Variants in AGO2 observed in about 807,000 individuals in gnomAD.
The protein encoded by AGO2 is protein argonaute-2.
Under a neutral mutation model 102.3 loss-of-function variants are expected in AGO2, and 5 were observed. That is an observed-to-expected ratio of 0.05 (90% CI 0.03 to 0.10). The LOEUF (loss-of-function observed/expected upper bound fraction) is 0.10. AGO2 is among the 10% of genes least tolerant of loss of function. The pLI is 1.00. For synonymous variants in AGO2, 449 were observed against 473.1 expected, an observed-to-expected ratio of 0.95 and a Z score of 0.66; for missense variants, 541 against 1,183.7, an observed-to-expected ratio of 0.46 and a Z score of 7.97.
At chr8:140,542,363 T>C (rs1353282785) in intron 14 of AGO2, among the ~76,000 whole-genome samples, 3 of 152,218 alleles carry the variant, frequency 2.0e-5, no homozygotes, top group African/African-American at 7.2e-5. Flanking sequence ...AACAAGTTCT[T>C]TCCCAGTTAA....
At position 140,528,106 on chromosome 8, in the gene AGO2, G is replaced by A. The variant is rs550605267; in HGVS notation, c.*3938C>T. 3 of 152,104 alleles carry A rather than the reference G, an allele frequency of 2.0e-5. No individual in the cohort carries two copies. The highest frequency in any genetic ancestry group is 4.4e-5 in the Non-Finnish European group (3 of 68,028). 9.4% of individuals were successfully genotyped at this position (152,104 alleles called of 1,614,324 possible). ...GTAAAAATAAAATTTAAACCACCCC[G>A]CAGATCAATGTAAAATTACATTGCT... On this transcript the variant is annotated 3_prime_UTR_variant, in exon 19 of 19. Coordinates refer to ENST00000220592, the MANE Select transcript of AGO2 (RefSeq NM_012154.5). The surrounding 1 kb of genome is among the most constrained non-coding windows in gnomAD (Gnocchi z 4.5).
At position 140,596,535 on chromosome 8, in the gene AGO2, A is replaced by T. The variant is rs180946736; in HGVS notation, c.23-11224T>A. On this transcript the variant is annotated intron_variant, in intron 1 of 18. Transcript: ENST00000220592. ...GAGGCGGAGGTTGCAGTGAGCTGAG[A>T]TGGCACCATTGCACTCCAGCCTGGG... Among the ~76,000 whole-genome samples, 30 of 152,370 alleles carry T rather than the reference A, an allele frequency of 2.0e-4. 1 individual carries two copies. The highest frequency in any genetic ancestry group is 6.0e-4 in the African/African-American group (25 of 41,590).
At chr8:140,597,485 C>CCT (rs2073865456) in intron 1 of AGO2, among the ~76,000 whole-genome samples, 1 of 139,452 alleles carries the variant, frequency 7.2e-6, no homozygotes, top group African/African-American at 2.6e-5. Flanking sequence ...CCCCCCCCCC[C>CCT]CCGCCCCAGG....
At chr8:140,579,085 T>C (rs2073510938) in intron 2 of AGO2, among the ~76,000 whole-genome samples, 1 of 152,028 alleles carries the variant, frequency 6.6e-6, no homozygotes, top group African/African-American at 2.4e-5. Context: ...TAGTGGAGTG[T>C]GGTGGTGCGC....
chr8:140,560,052 G>A (rs1371541296), intron 5 of AGO2, among the ~76,000 whole-genome samples: 2 of 152,236 alleles, frequency 1.3e-5, no homozygotes, highest in Non-Finnish European at 2.9e-5. Flanking sequence ...TCCCAAGAGA[G>A]GGACAGGCCA....
At chr8:140,533,286 G>A (rs905883134) in intron 17 of AGO2, among the ~76,000 whole-genome samples, 3 of 151,256 alleles carry the variant, frequency 2.0e-5, no homozygotes, top group Non-Finnish European at 4.4e-5. Context: ...CTACTTGGGA[G>A]GCTGAGGCCA....
Position 140,586,343 on chromosome 8 carries a change from A to G in AGO2, c.23-1032T>C, listed in dbSNP as rs1221535008. On this transcript the variant is annotated intron_variant, in intron 1 of 18. Transcript: ENST00000220592. Reference sequence around the variant, plus strand: ...CCCTATCTCTACTAAAAATACAAAAATTATCTGGATGTGGTGGCACGTGCC... The same window carrying G: ...CCCTATCTCTACTAAAAATACAAAAGTTATCTGGATGTGGTGGCACGTGCC... 2.0e-5 allele frequency among the ~76,000 whole-genome samples: 3 copies of G among 152,152 alleles called. No individual in the cohort carries two copies. The East Asian group carries it at 5.8e-4, about 29-fold the overall frequency.
intron 4 of AGO2, among the ~76,000 whole-genome samples, chr8:140,562,102 A>G (rs1356807109): frequency 1.3e-5 from 2 of 152,248 alleles, no homozygotes; most frequent in Non-Finnish European, 2.9e-5. Context: ...ACATGCATGC[A>G]GCACGAAACT....
At chr8:140,575,096 C>T (rs1232400303) in intron 2 of AGO2, among the ~76,000 whole-genome samples, 1 of 152,072 alleles carries the variant, frequency 6.6e-6, no homozygotes, top group Non-Finnish European at 1.5e-5. Flanking sequence ...TCAGTGACAT[C>T]TTTGAGGGCT....
chr8:140,619,382 C>T (rs552898830), intron 1 of AGO2, among the ~76,000 whole-genome samples: 84 of 152,312 alleles, frequency 5.5e-4, no homozygotes, highest in African/African-American at 1.9e-3. Context: ...TTACACTAGA[C>T]GCAACGACAC....
At chr8:140,547,280 C>T (rs888815990) in intron 13 of AGO2, among the ~76,000 whole-genome samples, 188 bp downstream of exon 13, 2 of 152,230 alleles carry the variant, frequency 1.3e-5, no homozygotes, top group South Asian at 2.1e-4. Context: ...CCTGCAGACG[C>T]CCCTGGTCCC....
intron 17 of AGO2, 110 bp downstream of exon 17, chr8:140,535,358 G>A: frequency 1.7e-6 from 2 of 1,158,916 alleles, no homozygotes; most frequent in East Asian, 2.4e-5. Flanking sequence ...TGCCTGTGTG[G>A]GCCCCTCACA....
chr8:140,569,385 A>G (rs2073342847), intron 3 of AGO2, among the ~76,000 whole-genome samples: 1 of 152,244 alleles, frequency 6.6e-6, no homozygotes, highest in Non-Finnish European at 1.5e-5. Flanking sequence ...TTGATCATTC[A>G]GTGAGATGTG....
intron 8 of AGO2, 102 bp from the exon 9 acceptor site, chr8:140,556,388 G>C: frequency 6.9e-7 from 1 of 1,459,190 alleles, no homozygotes; most frequent in Non-Finnish European, 9.3e-7. Context: ...GCTTGGGACC[G>C]TCTCTGCCTC....
At chr8:140,595,963 ATAAATT>A (rs1564107161) in intron 1 of AGO2, among the ~76,000 whole-genome samples, 37 of 126,386 alleles carry the variant, frequency 2.9e-4, no homozygotes, top group African/African-American at 9.8e-4. Context: ...TATAATATAT[ATAAATT>A]ATATATATTA....
In AGO2 at chr8:140,532,505, T is replaced by C. The variant is rs1223929292; in HGVS notation, c.2382A>G (p.Thr794=). ...CTGGCGCTGGGATGGACACGGAGCGTGTGCAGCGCACGTAGGTGTGACACA... is the reference window on the plus strand; with the variant it reads ...CTGGCGCTGGGATGGACACGGAGCGCGTGCAGCGCACGTAGGTGTGACACA... ...YQLCHTYVRC[T]RSVSIPAPAY... is the part of the protein sequence containing the mutation. The change falls in exon 18 of 19, where the codon ACA becomes ACG. Residue 794 remains threonine, a synonymous_variant. Transcript: ENST00000220592. 3 of 1,614,148 alleles carry C rather than the reference T, an allele frequency of 1.9e-6. No individual in the cohort carries two copies. The highest frequency in any genetic ancestry group is 2.7e-5 in the African/African-American group (2 of 74,956).
chr8:140,596,912 C>G (rs4961272), intron 1 of AGO2, among the ~76,000 whole-genome samples: 25,389 of 152,192 alleles, frequency 0.17, 2,697 homozygotes, highest in Admixed American at 0.31. Context: ...GGAGAACTCC[C>G]CTGGTGCCCA....
Position 140,532,613 on chromosome 8 carries a change from C to A in AGO2, c.2274G>T (p.Gly758=), listed in dbSNP as rs370755031. 23 of 1,613,972 alleles carry A rather than the reference C, an allele frequency of 1.4e-5. No homozygotes were observed. Among genetic ancestry groups the A allele is most frequent in the African/African-American group, 9.3e-5 (7 of 74,958 alleles). Residue 758 remains glycine (G), a splice_region_variant and synonymous_variant, in exon 18 of 19, where the codon GGG becomes GGT. Coordinates refer to ENST00000220592, the MANE Select transcript of AGO2 (RefSeq NM_012154.5). ...FYLCSHAGIQ[G]TSRPSHYHVL... ...CGTGATAGTGCGAAGGCCTGCTTGT[C>A]CCCTAAAGCAGATCAGAAGATTAGA...
At chr8:140,535,743 C>T (rs1394113255) in intron 16 of AGO2, among the ~76,000 whole-genome samples, 174 bp from the exon 17 acceptor site, 1 of 152,208 alleles carries the variant, frequency 6.6e-6, no homozygotes, top group African/African-American at 2.4e-5. Flanking sequence ...CTGCTGACCA[C>T]CAGGTTAAAT....
Sources: gnomAD v4.1 joint callset for allele counts (sites outside exome capture counted in the v4.1 genomes callset) on GRCh38, gnomAD v4.1.1 for gene constraint, Gnocchi (gnomAD v3.1) non-coding constraint, MANE v1.5 for transcripts, NCBI Gene and HGNC (gene_info 2026-07-23, HGNC 2026-07-21) for gene names.